Variants in ZNF423 observed in about 807,000 individuals in gnomAD.
ZNF423 encodes the protein Ebf-associated zinc finger protein.
A neutral mutation model predicts 95.8 loss-of-function variants in ZNF423; 12 were observed. That is an observed-to-expected ratio of 0.13 (90% CI 0.08 to 0.20). The LOEUF (loss-of-function observed/expected upper bound fraction) is 0.20. Among genes scored for constraint, ZNF423 ranks in the 10% least tolerant of loss-of-function variants. The probability of loss-of-function intolerance (pLI) is 1.00; values close to 1 mark genes in which losing one functional copy is unlikely to be tolerated. For synonymous variants in ZNF423, 749 were observed against 711.9 expected (o/e 1.05, Z -0.83); for missense variants, 1,316 against 1,737.1 (o/e 0.76, Z 4.31).
At chr16:49,795,287 C>G (rs1053276848) in intron 1 of ZNF423, among the ~76,000 whole-genome samples, 1 of 152,264 alleles carries the variant, frequency 6.6e-6, no homozygotes, top group South Asian at 2.1e-4. Context: ...ACACACCTGT[C>G]CCCTCCACGC....
At chr16:49,727,260 A>T (rs1358075698) in intron 3 of ZNF423, among the ~76,000 whole-genome samples, 1 of 152,120 alleles carries the variant, frequency 6.6e-6, no homozygotes, top group Admixed American at 6.5e-5. Flanking sequence ...CCTGCTGAGG[A>T]CAACAGAGAG....
At position 49,636,315 on chromosome 16, in the gene ZNF423, C is replaced by T. The variant is rs757677116; in HGVS notation, c.2861G>A (p.Arg954Gln). The change falls in exon 4 of 8, where the codon CGG becomes CAG. Residue 954 changes from arginine to glutamine, a missense_variant. Coordinates refer to ENST00000563137, the MANE Select transcript of ZNF423 (RefSeq NM_001379286.1). The surrounding 1 kb of genome is among the most constrained non-coding windows in gnomAD (Gnocchi z 8.6). ...GCCCCGGTGCGTCTGCAGGTGCTCC[C>T]GTAGCCCGTTCTCCGAGAAGAAAGT... ...SRTFFSENGL[R>Q]EHLQTHRGPA... 85 of 1,612,524 alleles carry T rather than the reference C, an allele frequency of 5.3e-5. No individual in the cohort carries two copies. The South Asian group carries it at 7.5e-4, about 14-fold the overall frequency.
At chr16:49,686,205 C>T (rs1369903572) in intron 3 of ZNF423, among the ~76,000 whole-genome samples, 4 of 152,206 alleles carry the variant, frequency 2.6e-5, no homozygotes, top group Non-Finnish European at 4.4e-5. Flanking sequence ...CAGCACTCAG[C>T]ACACAGCCTG....
intron 3 of ZNF423, among the ~76,000 whole-genome samples, chr16:49,719,069 G>A (rs918640546): frequency 2.0e-5 from 3 of 152,186 alleles, no homozygotes; most frequent in African/African-American, 7.2e-5. Flanking sequence ...GGTAGTAACC[G>A]AGATTGATTA....
chr16:49,804,834 T>A (rs2034636518), intron 1 of ZNF423, among the ~76,000 whole-genome samples: 1 of 150,602 alleles, frequency 6.6e-6, no homozygotes, highest in Admixed American at 6.6e-5. Flanking sequence ...GTGTATAAAG[T>A]GCATGGTTCA....
chr16:49,615,130 TCACA>T lies in ZNF423; in HGVS notation c.3601+11036_3601+11039del, dbSNP rs61428028. ...TGGGCAACAAGAAAGAAACTCCATC[TCACA>T]CACACACACACACACACACACACAC... is the stretch of plus-strand genomic sequence containing the variant. On this transcript the variant is annotated intron_variant, in intron 5 of 7. Transcript: ENST00000563137. Among the ~76,000 whole-genome samples, 144 of 141,248 alleles carry T rather than the reference TCACA, an allele frequency of 1.0e-3. 1 individual carries two copies. The highest frequency in any genetic ancestry group is 3.6e-3 in the African/African-American group (133 of 36,784). 92.7% of individuals were successfully genotyped at this position (141,248 alleles called of 152,430 possible). A position where few individuals can be genotyped will look rare whatever the true frequency, so the allele number is the denominator to read the frequency against.
intron 3 of ZNF423, among the ~76,000 whole-genome samples, chr16:49,641,728 T>C (rs1029413268): frequency 7.2e-5 from 11 of 152,142 alleles, no homozygotes; most frequent in Non-Finnish European, 1.6e-4. Context: ...AGGGAATCAC[T>C]GGGAGGAGTG....
At chr16:49,518,763 T>C (rs1243674308) in intron 7 of ZNF423, among the ~76,000 whole-genome samples, 1 of 152,228 alleles carries the variant, frequency 6.6e-6, no homozygotes, top group Non-Finnish European at 1.5e-5. Context: ...CATTTGAGAT[T>C]TATCCATGGC....
At chr16:49,841,515 C>T (rs1448860727) in intron 1 of ZNF423, among the ~76,000 whole-genome samples, 1 of 152,196 alleles carries the variant, frequency 6.6e-6, no homozygotes, top group African/African-American at 2.4e-5. Context: ...TGCCTGTATA[C>T]AAGGGGTGCC....
intron 1 of ZNF423, among the ~76,000 whole-genome samples, chr16:49,832,666 A>G (rs1438456552): frequency 6.6e-6 from 1 of 152,224 alleles, no homozygotes; most frequent in Non-Finnish European, 1.5e-5. Context: ...CTTCAAGCCT[A>G]CAGGGCACAT....
chr16:49,789,728 G>T (rs985250103), intron 1 of ZNF423, among the ~76,000 whole-genome samples, 182 bp from the exon 2 acceptor site: 2 of 152,134 alleles, frequency 1.3e-5, no homozygotes, highest in African/African-American at 4.8e-5. Flanking sequence ...TAAAATGATC[G>T]GAATAAAACA....
chr16:49,561,034 T>C (rs1432211657), intron 5 of ZNF423, among the ~76,000 whole-genome samples: 4 of 152,240 alleles, frequency 2.6e-5, no homozygotes. Flanking sequence ...CTCAAACTGA[T>C]GGATAGCATT....
intron 1 of ZNF423, among the ~76,000 whole-genome samples, chr16:49,814,618 A>C (rs1344570329): frequency 6.6e-6 from 1 of 152,028 alleles, no homozygotes; most frequent in Non-Finnish European, 1.5e-5. Flanking sequence ...CAATCCTCCA[A>C]GGTCCTCCTG....
chr16:49,743,056 C>A (rs2033448004), intron 2 of ZNF423, among the ~76,000 whole-genome samples: 1 of 152,132 alleles, frequency 6.6e-6, no homozygotes, highest in African/African-American at 2.4e-5. Flanking sequence ...AAAAACCATG[C>A]ACCTTAGCAG....
chr16:49,791,915 T>C (rs2034420720), intron 1 of ZNF423, among the ~76,000 whole-genome samples: 1 of 151,100 alleles, frequency 6.6e-6, no homozygotes, highest in Non-Finnish European at 1.5e-5. Context: ...GGCAAGAGAA[T>C]TGCCTGAACC....
In ZNF423 at chr16:49,548,929, G is replaced by T. The variant is rs570565499; in HGVS notation, c.3602-23435C>A. 9.8e-5 allele frequency among the ~76,000 whole-genome samples: 15 copies of T among 152,288 alleles called. 1 individual carries two copies. In the South Asian group the frequency reaches 3.1e-3, roughly 32 times the overall value. ...CCAGTTCCTAGTTACTGCAACACTG[G>T]TCTGACCAGGCAGCTTCCTCTACAA... On this transcript the variant is annotated intron_variant, in intron 5 of 7. Coordinates refer to ENST00000563137, the MANE Select transcript of ZNF423 (RefSeq NM_001379286.1).
chr16:49,748,121 A>T (rs528341578), intron 2 of ZNF423, among the ~76,000 whole-genome samples: 1 of 152,236 alleles, frequency 6.6e-6, no homozygotes, highest in Non-Finnish European at 1.5e-5. Context: ...GTTCTCTCAG[A>T]GCAGGAACTT....
chr16:49,544,993 A>G (rs1273985484), intron 5 of ZNF423, among the ~76,000 whole-genome samples: 1 of 152,242 alleles, frequency 6.6e-6, no homozygotes, highest in African/African-American at 2.4e-5. Context: ...CTTGCTCATC[A>G]CAGTGGCACT....
At chr16:49,783,668 C>T (rs556377334) in intron 2 of ZNF423, among the ~76,000 whole-genome samples, 17 of 151,666 alleles carry the variant, frequency 1.1e-4, no homozygotes, top group South Asian at 2.1e-4. Context: ...GGCTGTGATG[C>T]GCAGAATAAA....
Sources: gnomAD v4.1 joint callset for allele counts (sites outside exome capture counted in the v4.1 genomes callset) on GRCh38, gnomAD v4.1.1 for gene constraint, Gnocchi (gnomAD v3.1) non-coding constraint, MANE v1.5 for transcripts, NCBI Gene and HGNC (gene_info 2026-07-23, HGNC 2026-07-21) for gene names.